IPMK: variants seen among roughly 807,000 people sequenced by gnomAD.
IPMK encodes inositol 1,3,4,6-tetrakisphosphate 5-kinase.
Under a neutral mutation model 45.8 loss-of-function variants are expected in IPMK, and 17 were observed. The ratio of observed to expected loss-of-function variants is 0.37; its 90% CI spans 0.25 to 0.56. The LOEUF is 0.56. IPMK is among the 20% of genes least tolerant of loss of function. IPMK has a pLI of 0.79. For synonymous variants in IPMK, 180 were observed against 184.3 expected, an observed-to-expected ratio of 0.98 and a Z score of 0.19; for missense variants, 399 against 498.0, an observed-to-expected ratio of 0.80 and a Z score of 1.89.
intron 3 of IPMK, among the ~76,000 whole-genome samples, chr10:58,218,702 T>C (rs1007914660): frequency 3.3e-5 from 5 of 152,174 alleles, no homozygotes; most frequent in Non-Finnish European, 7.3e-5. Flanking sequence ...AGGGTTAGTG[T>C]CTTCTACCTG....
chr10:58,214,637 A>G (rs1838217167), intron 4 of IPMK, among the ~76,000 whole-genome samples: 1 of 152,160 alleles, frequency 6.6e-6, no homozygotes, highest in South Asian at 2.1e-4. Flanking sequence ...TACCATCACA[A>G]TGACAATTTA....
intron 4 of IPMK, chr10:58,212,680 G>T: frequency 7.9e-6 from 2 of 252,150 alleles, no homozygotes; most frequent in Non-Finnish European, 1.7e-5. Flanking sequence ...GCAAGGATGT[G>T]CAGCCTCTGT....
intron 4 of IPMK, among the ~76,000 whole-genome samples, chr10:58,206,436 T>C (rs1838072769): frequency 6.6e-6 from 1 of 152,192 alleles, no homozygotes; most frequent in African/African-American, 2.4e-5. Context: ...ATACTTTAAA[T>C]GATTAACAGA....
chr10:58,207,549 T>C (rs1376035697), intron 4 of IPMK, among the ~76,000 whole-genome samples: 1 of 152,196 alleles, frequency 6.6e-6, no homozygotes, highest in Non-Finnish European at 1.5e-5. Flanking sequence ...CATGTTAAAG[T>C]CCATTTGTTC....
At chr10:58,250,726 G>C (rs988579194) in intron 1 of IPMK, among the ~76,000 whole-genome samples, 2 of 152,150 alleles carry the variant, frequency 1.3e-5, no homozygotes, top group Non-Finnish European at 2.9e-5. Flanking sequence ...AATAGGAGTA[G>C]TGAAAATGAG....
chr10:58,256,769 C>T (rs184533426), intron 1 of IPMK, among the ~76,000 whole-genome samples: 207 of 152,226 alleles, frequency 1.4e-3, no homozygotes, highest in African/African-American at 4.7e-3. Flanking sequence ...TCAGACCAGC[C>T]GACACTTAGG....
chr10:58,267,665 G>C lies in IPMK; in HGVS notation c.-54C>G. The C allele has an allele frequency of 8.7e-7, 1 of 1,150,012 alleles. No homozygotes were observed. The highest frequency in any genetic ancestry group is 1.3e-6 in the Non-Finnish European group (1 of 786,278). 71.2% of individuals were successfully genotyped at this position (1,150,012 alleles called of 1,614,324 possible). A position where few individuals can be genotyped will look rare whatever the true frequency, so the allele number is the denominator to read the frequency against. Reference sequence around the variant, plus strand: ...GAGAGTAGGAAAAAAAATAGGGCGAGGGAGGGGGCGCCGGAGAACCCGAGG... The same window carrying C: ...GAGAGTAGGAAAAAAAATAGGGCGACGGAGGGGGCGCCGGAGAACCCGAGG... On this transcript the variant is annotated 5_prime_UTR_variant, in exon 1 of 6. Transcript: ENST00000373935.
intron 1 of IPMK, among the ~76,000 whole-genome samples, chr10:58,240,154 T>C (rs756321456): frequency 4.6e-5 from 7 of 150,914 alleles, no homozygotes; most frequent in East Asian, 2.0e-4. Context: ...AAAGAAACAA[T>C]AGAAAAAGAT....
intron 2 of IPMK, among the ~76,000 whole-genome samples, chr10:58,234,286 A>T (rs112140896): frequency 0.018 from 2,690 of 152,290 alleles, 88 homozygotes; most frequent in African/African-American, 0.059. Flanking sequence ...GCTACAAATG[A>T]CTTTCTTCAC....
intron 3 of IPMK, among the ~76,000 whole-genome samples, chr10:58,223,558 G>A (rs1265277913): frequency 6.6e-6 from 1 of 152,054 alleles, no homozygotes; most frequent in East Asian, 1.9e-4. Context: ...ATCCTATCTG[G>A]AAAATCTACT....
chr10:58,256,523 G>A (rs1035134625), intron 1 of IPMK, among the ~76,000 whole-genome samples: 7 of 152,038 alleles, frequency 4.6e-5, no homozygotes, highest in South Asian at 2.1e-4. Flanking sequence ...TTCTAATTTC[G>A]CCCTGGCCTT....
intron 3 of IPMK, among the ~76,000 whole-genome samples, chr10:58,225,434 T>C (rs915896370): frequency 2.4e-4 from 37 of 152,256 alleles, no homozygotes; most frequent in African/African-American, 8.9e-4. Context: ...GATTATATAG[T>C]ATTGAAGACC....
intron 1 of IPMK, among the ~76,000 whole-genome samples, chr10:58,263,615 T>C (rs1483138554): frequency 6.6e-6 from 1 of 151,792 alleles, no homozygotes; most frequent in Non-Finnish European, 1.5e-5. Flanking sequence ...AGCCCTGAAG[T>C]TTGAGGCTGC....
chr10:58,227,131 A>G lies in IPMK; in HGVS notation c.285T>C (p.Ala95=), dbSNP rs781563177. ...RELEFYNMVY[A]ADCFDGVLLE... is the part of the protein sequence containing the mutation. ...GAAGAACACCATCAAAACAGTCAGC[A>G]GCATAAACCTGAAACAGAGAAATAT... is the stretch of plus-strand genomic sequence containing the variant. The change falls in exon 3 of 6, where the codon GCT becomes GCC. Residue 95 remains alanine (A), a synonymous_variant. Coordinates refer to ENST00000373935, the MANE Select transcript of IPMK (RefSeq NM_152230.5). 70 of 1,611,376 alleles carry G rather than the reference A, an allele frequency of 4.3e-5. No homozygotes were observed. The highest frequency in any genetic ancestry group is 5.7e-5 in the Non-Finnish European group (67 of 1,178,152).
At chr10:58,215,159 T>C (rs892261204) in intron 4 of IPMK, among the ~76,000 whole-genome samples, 3 of 152,126 alleles carry the variant, frequency 2.0e-5, no homozygotes, top group Admixed American at 6.5e-5. Flanking sequence ...AGTACCAACT[T>C]CCTGACACAA....
chr10:58,249,107 C>T (rs978294089), intron 1 of IPMK, among the ~76,000 whole-genome samples: 33 of 152,358 alleles, frequency 2.2e-4, no homozygotes, highest in African/African-American at 6.7e-4. Flanking sequence ...AACTTCCATA[C>T]TATTTCCCAA....
chr10:58,221,643 C>T (rs1281964107), intron 3 of IPMK, among the ~76,000 whole-genome samples: 2 of 152,204 alleles, frequency 1.3e-5, no homozygotes, highest in Non-Finnish European at 2.9e-5. Flanking sequence ...ACTGCAACCT[C>T]AAACTCCTGG....
In IPMK at chr10:58,193,479, A is replaced by AT. The variant is rs1414404848; in HGVS notation, c.*2596dup. ...AAACTATTTAGATAAAATATTTAGC[A>AT]TTTATCATTGATTTTAATTTATTTG... On this transcript the variant is annotated 3_prime_UTR_variant, in exon 6 of 6. Transcript: ENST00000373935. 4 of 151,856 alleles carry AT rather than the reference A, an allele frequency of 2.6e-5. No individual in the cohort carries two copies. The highest frequency in any genetic ancestry group is 7.2e-5 in the African/African-American group (3 of 41,424). The allele number at this position is 151,856 out of a possible 1,614,324, so 9.4% of individuals were successfully genotyped here.
Position 58,259,771 on chromosome 10 carries a change from C to T in IPMK, c.190+7651G>A, listed in dbSNP as rs112217016. The stretch of plus-strand genomic sequence containing the variant: ...GGGAGGATCACTTGAGCCTGGGAGG[C>T]GGAGGTTGCAGTGAGCCATGACTGT... On this transcript the variant is annotated intron_variant, in intron 1 of 5. Coordinates refer to ENST00000373935, the MANE Select transcript of IPMK (RefSeq NM_152230.5). Among the ~76,000 whole-genome samples, 1,266 of 151,128 alleles carry T rather than the reference C, an allele frequency of 8.4e-3. 21 individuals carry two copies. The highest frequency in any genetic ancestry group is 0.029 in the African/African-American group (1,197 of 41,026).
Sources: gnomAD v4.1 joint callset for allele counts (sites outside exome capture counted in the v4.1 genomes callset) on GRCh38, gnomAD v4.1.1 for gene constraint, MANE v1.5 for transcripts, NCBI Gene and HGNC (gene_info 2026-07-23, HGNC 2026-07-21) for gene names.